The following KNTC1 variants were observed in gnomAD, a reference collection of about 807,000 sequenced individuals.
KNTC1 encodes kinetochore associated 1.
In KNTC1, 253 loss-of-function variants were observed where a neutral mutation model predicts 314.4. That is an observed-to-expected ratio of 0.80 (90% CI 0.73 to 0.89). The LOEUF (loss-of-function observed/expected upper bound fraction) is 0.89, where lower values mean the gene tolerates loss of function less well. Ranked by LOEUF, KNTC1 falls within the 40% of genes least tolerant of loss-of-function variation. The pLI is 0.00. For synonymous variants in KNTC1, 901 were observed against 901.4 expected, an observed-to-expected ratio of 1.00 and a Z score of 0.01; for missense variants, 2,475 against 2,572.9, an observed-to-expected ratio of 0.96 and a Z score of 0.82.
intron 43 of KNTC1, among the ~76,000 whole-genome samples, chr12:122,595,688 AG>A (rs1870941143): frequency 6.6e-6 from 1 of 152,220 alleles, no homozygotes; most frequent in Non-Finnish European, 1.5e-5. Context: ...GTCATTCTTC[AG>A]TTTAGAGTGT....
chr12:122,622,534 CA>C lies in KNTC1; in HGVS notation c.6445del (p.Met2149CysfsTer2), dbSNP rs750722948. ...FGILAKTKYF[Q>X]MLKMHAMNTN... ...GATTTTGGCAAAGACCAAATACTTT[CA>C]AATGTTGAAGATGCATGCGATGAAT... On this transcript the variant is annotated frameshift_variant, in exon 62 of 64. Coordinates refer to ENST00000333479, the MANE Select transcript of KNTC1 (RefSeq NM_014708.6). LOFTEE classifies it high-confidence loss of function. The C allele has an allele frequency of 3.2e-6, 5 of 1,577,542 alleles. No homozygotes were observed. The highest frequency in any genetic ancestry group is 1.2e-5 in the South Asian group (1 of 86,460).
intron 44 of KNTC1, 124 bp from the exon 45 acceptor site, chr12:122,601,408 GTAAT>G: frequency 3.5e-6 from 3 of 851,292 alleles, no homozygotes; most frequent in South Asian, 3.8e-5. Context: ...TTTTAAGGGA[GTAAT>G]TAATTTAACA....
intron 48 of KNTC1, among the ~76,000 whole-genome samples, chr12:122,604,195 CAG>C (rs1314833134): frequency 2.9e-5 from 3 of 103,972 alleles, no homozygotes; most frequent in Non-Finnish European, 5.5e-5. Flanking sequence ...TTTTTTTTAA[CAG>C]AGTCTTGCTC....
chr12:122,604,397 T>C (rs1872347920), intron 48 of KNTC1, among the ~76,000 whole-genome samples, 167 bp from the exon 49 acceptor site: 1 of 152,092 alleles, frequency 6.6e-6, no homozygotes, highest in African/African-American at 2.4e-5. Context: ...TCCACTTGCC[T>C]TGGCCTCCCA....
chr12:122,538,239 A>G (rs1593484584), intron 3 of KNTC1, 100 bp from the exon 4 acceptor site: 1 of 654,146 alleles, frequency 1.5e-6, no homozygotes, highest in Non-Finnish European at 2.7e-6. Context: ...GAAGTAACTT[A>G]AGTAATCGTT....
In KNTC1 at chr12:122,550,132, G is replaced by A. The variant is rs552165890; in HGVS notation, c.1086+268G>A. On this transcript the variant is annotated intron_variant, in intron 13 of 63. Coordinates refer to ENST00000333479, the MANE Select transcript of KNTC1 (RefSeq NM_014708.6). ...CTTCTTTCTTGTGTCTCTACAGGAA[G>A]TATAGATGATAATGGGAGATGGAGA... 1.6e-4 allele frequency among the ~76,000 whole-genome samples: 25 copies of A among 152,162 alleles called. No homozygotes were observed. In the South Asian group the frequency reaches 3.9e-3, roughly 24 times the overall value.
At chr12:122,607,515 T>C (rs1872688108) in intron 51 of KNTC1, among the ~76,000 whole-genome samples, 1 of 152,220 alleles carries the variant, frequency 6.6e-6, no homozygotes, top group African/African-American at 2.4e-5. Context: ...AAATTACTTA[T>C]TTTTAGCATC....
At chr12:122,609,054 G>A (rs1313261485) in intron 51 of KNTC1, 1 of 253,932 alleles carries the variant, frequency 3.9e-6, no homozygotes, top group Non-Finnish European at 7.5e-6. Flanking sequence ...GCAAGATCCT[G>A]TCTCCAAAAA....
Position 122,544,218 on chromosome 12 carries a change from T to C in KNTC1, c.618T>C (p.Cys206=), listed in dbSNP as rs776071882. Residue 206 remains cysteine (C), a synonymous_variant, in exon 8 of 64, where the codon TGT becomes TGC. Coordinates refer to ENST00000333479, the MANE Select transcript of KNTC1 (RefSeq NM_014708.6). ...CTGAAAATTATCATACTCTTGGTTG[T>C]CTCAGTCTTGTGGCTGGAGATTTAG... ...ISTENYHTLG[C]LSLVAGDLAS... is the part of the protein sequence containing the mutation. The C allele has an allele frequency of 1.3e-6, 2 of 1,588,178 alleles. No individual in the cohort carries two copies. Among genetic ancestry groups the C allele is most frequent in the Non-Finnish European group, 1.7e-6 (2 of 1,172,092 alleles).
intron 35 of KNTC1, 78 bp from the exon 36 acceptor site, chr12:122,584,813 TGG>T: frequency 1.3e-6 from 1 of 741,594 alleles, no homozygotes; most frequent in Non-Finnish European, 2.2e-6. Flanking sequence ...GAATTTTAAA[TGG>T]TAATTATTAA....
At chr12:122,597,507 A>G (rs779046261) in intron 43 of KNTC1, 44 of 469,646 alleles carry the variant, frequency 9.4e-5, no homozygotes, top group Non-Finnish European at 1.6e-4. Context: ...TTGGCCTCCC[A>G]AAGTGCTGGG....
chr12:122,567,905 T>C (rs1197188010), intron 20 of KNTC1, among the ~76,000 whole-genome samples: 2 of 152,116 alleles, frequency 1.3e-5, no homozygotes, highest in African/African-American at 4.8e-5. Flanking sequence ...GGTGGCAGGA[T>C]TGCTTGAGCC....
intron 5 of KNTC1, 82 bp downstream of exon 5, chr12:122,539,836 C>A: frequency 2.3e-6 from 2 of 875,854 alleles, no homozygotes; most frequent in Non-Finnish European, 3.5e-6. Flanking sequence ...GGCTGGAGTG[C>A]AGTGGCGCAA....
intron 42 of KNTC1, 131 bp from the exon 43 acceptor site, chr12:122,594,145 T>G (rs1593638652): frequency 1.6e-6 from 1 of 608,646 alleles, no homozygotes; most frequent in Non-Finnish European, 2.9e-6. Flanking sequence ...TAGTGTGAGG[T>G]TGGAGGAGCT....
chr12:122,562,007 G>A (rs750388343), intron 19 of KNTC1, 33 bp downstream of exon 19: 2 of 1,571,224 alleles, frequency 1.3e-6, no homozygotes, highest in South Asian at 1.2e-5. Flanking sequence ...TTAATATGTG[G>A]GTGAATATAC....
intron 51 of KNTC1, 104 bp from the exon 52 acceptor site, chr12:122,609,280 T>A: frequency 1.4e-6 from 1 of 724,126 alleles, no homozygotes. Context: ...GTAAACATAA[T>A]ATCGTATATT....
chr12:122,562,623 T>C lies in KNTC1; in HGVS notation c.1543-15T>C. The C allele has an allele frequency of 6.7e-7, 1 of 1,486,058 alleles. No homozygotes were observed. Among genetic ancestry groups the C allele is most frequent in the Non-Finnish European group, 9.4e-7 (1 of 1,069,148 alleles). The allele number at this position is 1,486,058 out of a possible 1,614,324, so 92.1% of individuals were successfully genotyped here. A position where few individuals can be genotyped will look rare whatever the true frequency, so the allele number is the denominator to read the frequency against. ...TTGCATATAAATTCAGATTATTAAA[T>C]TATTTTTTCTTCAGGTGCTAAGAGC... On this transcript the variant is annotated splice_polypyrimidine_tract_variant and intron_variant, in intron 19 of 63. Coordinates refer to ENST00000333479, the MANE Select transcript of KNTC1 (RefSeq NM_014708.6).
At chr12:122,624,554 C>T (rs747647786) in intron 62 of KNTC1, 44 bp from the exon 63 acceptor site, 9 of 1,421,270 alleles carry the variant, frequency 6.3e-6, no homozygotes, top group South Asian at 4.7e-5. Context: ...AGGCACAAGG[C>T]ACTGTGCTTG....
At position 122,549,808 on chromosome 12, in the gene KNTC1, CT is replaced by C; in HGVS notation, c.1031del (p.Leu344HisfsTer25). The C allele has an allele frequency of 6.4e-7, 1 of 1,567,670 alleles. No individual in the cohort carries two copies. On this transcript the variant is annotated frameshift_variant, in exon 13 of 64. Coordinates refer to ENST00000333479, the MANE Select transcript of KNTC1 (RefSeq NM_014708.6). LOFTEE classifies it high-confidence loss of function. ...TTATTCATTACCTACAATGGAAATA[CT>C]ATATTCTTTGGAAGTATCTAGTGTT... Reference protein sequence around the residue: ...MVYSLPTMEILYSLEVSSVSS... With the variant: ...MVYSLPTMEIXYSLEVSSVSS...
Sources: allele counts gnomAD v4.1 joint callset (sites outside exome capture counted in the v4.1 genomes callset), GRCh38; gene constraint gnomAD v4.1.1; transcripts MANE v1.5; gene names NCBI Gene and HGNC (gene_info 2026-07-23, HGNC 2026-07-21).